Variants in CNTLN observed in about 807,000 individuals in gnomAD.
The protein encoded by CNTLN is centlein, centrosomal protein.
A neutral mutation model predicts 180.0 loss-of-function variants in CNTLN; 212 were observed. The observed-to-expected ratio is 1.18, with a 90% CI of 1.05 to 1.32. CNTLN has a LOEUF of 1.32. Among genes scored for constraint, CNTLN ranks in the 40% most tolerant of loss-of-function variants. The pLI, the probability that CNTLN is intolerant of heterozygous loss-of-function variation, is 0.00. For synonymous variants in CNTLN, 722 were observed against 563.1 expected (o/e 1.28, Z -3.99); for missense variants, 2,095 against 1,610.9 (o/e 1.30, Z -5.14).
At chr9:17,370,742 A>G (rs1011928559) in intron 13 of CNTLN, among the ~76,000 whole-genome samples, 2 of 152,162 alleles carry the variant, frequency 1.3e-5, no homozygotes, top group African/African-American at 4.8e-5. Context: ...AACTATAAAA[A>G]GTTTTCAAGA....
chr9:17,162,626 T>C (rs1288110198), intron 2 of CNTLN, among the ~76,000 whole-genome samples: 1 of 152,214 alleles, frequency 6.6e-6, no homozygotes, highest in African/African-American at 2.4e-5. Context: ...ATTAAACATA[T>C]AGGTGGTATA....
chr9:17,304,858 G>T (rs1239381545), intron 7 of CNTLN, among the ~76,000 whole-genome samples: 3 of 151,970 alleles, frequency 2.0e-5, no homozygotes, highest in African/African-American at 7.3e-5. Context: ...ATGTACATAG[G>T]TTATAAGCAA....
At chr9:17,506,250 C>G (rs1833930960), downstream of CNTLN, among the ~76,000 whole-genome samples, 1 of 151,800 alleles carries the variant, frequency 6.6e-6, no homozygotes. Flanking sequence ...AAGCATGATG[C>G]AAAAAAGAAA....
At chr9:17,438,310 G>C (rs889086716) in intron 18 of CNTLN, among the ~76,000 whole-genome samples, 1 of 152,028 alleles carries the variant, frequency 6.6e-6, no homozygotes, top group African/African-American at 2.4e-5. Context: ...ATTAGGAAGA[G>C]ATCTAGACAA....
intron 2 of CNTLN, among the ~76,000 whole-genome samples, chr9:17,211,358 T>C (rs201695225): frequency 6.6e-6 from 1 of 151,980 alleles, no homozygotes; most frequent in Admixed American, 6.6e-5. Flanking sequence ...CAAAGATCAG[T>C]TGGTTGTAGA....
intron 8 of CNTLN, among the ~76,000 whole-genome samples, chr9:17,326,485 T>G (rs1050278370): frequency 1.3e-5 from 2 of 152,076 alleles, no homozygotes; most frequent in African/African-American, 4.8e-5. Context: ...TATGGAGATC[T>G]ATGATGATAT....
At chr9:17,309,371 C>T (rs1438285984) in intron 8 of CNTLN, 119 bp downstream of exon 8, 2 of 811,052 alleles carry the variant, frequency 2.5e-6, no homozygotes, top group African/African-American at 1.7e-5. Flanking sequence ...AAGAAGTGTG[C>T]AGATTGTTTT....
downstream of CNTLN, chr9:17,503,966 A>T (rs566417075): frequency 2.0e-5 from 3 of 152,726 alleles, no homozygotes; most frequent in African/African-American, 7.2e-5. Context: ...CTGCTTTCAC[A>T]CTACATGAGT....
chr9:17,452,490 C>T (rs1254616626), intron 18 of CNTLN, among the ~76,000 whole-genome samples: 2 of 152,206 alleles, frequency 1.3e-5, no homozygotes, highest in Non-Finnish European at 2.9e-5. Flanking sequence ...CTCTAGCCAG[C>T]ATTTACCAGA....
At chr9:17,493,130 G>GA (rs5896745) in intron 25 of CNTLN, among the ~76,000 whole-genome samples, 85,223 of 151,806 alleles carry the variant, frequency 0.56, 24,312 homozygotes, top group Middle Eastern at 0.64. Context: ...TTGGAAAGAT[G>GA]AAAAATCCTA....
At chr9:17,505,636 G>T (rs1833920078), downstream of CNTLN, among the ~76,000 whole-genome samples, 1 of 151,994 alleles carries the variant, frequency 6.6e-6, no homozygotes, top group Admixed American at 6.6e-5. Flanking sequence ...AAATGAAAAA[G>T]ATCTAATAAA....
At chr9:17,249,511 G>T (rs1297595632) in intron 5 of CNTLN, among the ~76,000 whole-genome samples, 2 of 151,706 alleles carry the variant, frequency 1.3e-5, no homozygotes, top group Non-Finnish European at 2.9e-5. Flanking sequence ...ACCACACCTG[G>T]CTAATTTTTT....
rs113148833 is a variant in CNTLN at position 17,295,969 on chromosome 9, T to TGA, written c.984-2193_984-2192dup. On this transcript the variant is annotated intron_variant, in intron 6 of 25. Transcript: ENST00000380647. ...GTATGAGCATCTCCCTACTCTTCAG[T>TGA]GAGAGAGAGAGAGAGAGAGAGAGAG... Among the ~76,000 whole-genome samples, 650 of 119,598 alleles carry TGA rather than the reference T, an allele frequency of 5.4e-3. 2 individuals carry two copies. The highest frequency in any genetic ancestry group is 9.2e-3 in the Middle Eastern group (2 of 218). 78.5% of individuals were successfully genotyped at this position (119,598 alleles called of 152,430 possible).
At chr9:17,349,666 A>G (rs532693044) in intron 12 of CNTLN, among the ~76,000 whole-genome samples, 310 of 152,232 alleles carry the variant, frequency 2.0e-3, no homozygotes, top group African/African-American at 7.0e-3. Context: ...CTTACATGGA[A>G]TATAGTTCCT....
intron 23 of CNTLN, among the ~76,000 whole-genome samples, chr9:17,467,734 C>A (rs1461824649): frequency 3.3e-5 from 5 of 151,534 alleles, no homozygotes. Context: ...TGAATAGTTT[C>A]ACTGTTTAAC....
At chr9:17,310,433 A>G (rs1006049130) in intron 8 of CNTLN, among the ~76,000 whole-genome samples, 65 of 152,254 alleles carry the variant, frequency 4.3e-4, no homozygotes, top group African/African-American at 1.3e-3. Flanking sequence ...AAAACATTCT[A>G]TTATATGTGA....
intron 5 of CNTLN, among the ~76,000 whole-genome samples, chr9:17,251,605 C>T (rs937984601): frequency 4.6e-5 from 7 of 151,316 alleles, no homozygotes; most frequent in Non-Finnish European, 8.9e-5. Flanking sequence ...CTTTTTTTCC[C>T]TTTCATTGAT....
chr9:17,500,758 T>C (rs1324624979), intron 25 of CNTLN, among the ~76,000 whole-genome samples: 2 of 152,222 alleles, frequency 1.3e-5, no homozygotes, highest in African/African-American at 2.4e-5. Context: ...CCTTCTTGTA[T>C]TTTCCTTTTA....
At chr9:17,184,198 C>A (rs1210819776) in intron 2 of CNTLN, among the ~76,000 whole-genome samples, 1 of 152,122 alleles carries the variant, frequency 6.6e-6, no homozygotes, top group East Asian at 1.9e-4. Context: ...GACAAACGGA[C>A]TTATTCGAAT....
Sources: gnomAD v4.1 joint callset for allele counts (sites outside exome capture counted in the v4.1 genomes callset) on GRCh38, gnomAD v4.1.1 for gene constraint, MANE v1.5 for transcripts, NCBI Gene and HGNC (gene_info 2026-07-23, HGNC 2026-07-21) for gene names.